Variants in ROBO1 observed in about 807,000 individuals in gnomAD.
ROBO1 encodes roundabout homolog 1.
ROBO1 carries 149 observed loss-of-function variants against 195.9 expected under a neutral mutation model. That is an observed-to-expected ratio of 0.76 (90% CI 0.67 to 0.87). ROBO1 has a LOEUF of 0.87. Ranked by LOEUF, ROBO1 falls within the 40% of genes least tolerant of loss-of-function variation. The probability of loss-of-function intolerance (pLI) is 0.00; values close to 1 mark genes in which losing one functional copy is unlikely to be tolerated. For synonymous variants in ROBO1, 816 were observed against 733.2 expected (o/e 1.11, Z -1.82); for missense variants, 1,933 against 2,068.3 (o/e 0.93, Z 1.27).
chr3:78,784,696 C>T (rs1398235281), intron 4 of ROBO1, among the ~76,000 whole-genome samples: 1 of 151,966 alleles, frequency 6.6e-6, no homozygotes, highest in Non-Finnish European at 1.5e-5. Flanking sequence ...ATAGTAGCAA[C>T]AAAAATCTTA....
rs142662975 is a variant in ROBO1, at chr3:79,517,173, G to A, written c.88+72651C>T. On this transcript the variant is annotated intron_variant, in intron 2 of 30. Transcript: ENST00000464233. Reference sequence around the variant, plus strand: ...TCCTTTCGATTACTGGTTATCACTCGTTCTCATTTTTATTGACTTCCTCAC... The same window carrying A: ...TCCTTTCGATTACTGGTTATCACTCATTCTCATTTTTATTGACTTCCTCAC... Among the ~76,000 whole-genome samples the A allele has an allele frequency of 4.4e-4, 67 of 152,180 alleles. 2 individuals are homozygous for A. The highest frequency in any genetic ancestry group is 2.1e-3 in the Admixed American group (32 of 15,290).
Position 79,641,975 on chromosome 3 carries a change from T to C in ROBO1, c.-50-52014A>G, listed in dbSNP as rs1945676772. 2.6e-5 allele frequency among the ~76,000 whole-genome samples: 4 copies of C among 152,170 alleles called. No individual in the cohort carries two copies. In the South Asian group the frequency reaches 8.3e-4, roughly 31 times the overall value. On this transcript the variant is annotated intron_variant, in intron 1 of 30. Transcript: ENST00000464233. ...TTGAGGCTAAACTGATCTGTGATCA[T>C]GTCACTGTGCTCCATCCTGGGTGAC...
At chr3:79,587,825 A>G (rs1027296403) in intron 2 of ROBO1, among the ~76,000 whole-genome samples, 1 of 151,730 alleles carries the variant, frequency 6.6e-6, no homozygotes, top group Non-Finnish European at 1.5e-5. Context: ...TTCCTTCAGT[A>G]GATTTTCTCC....
At chr3:78,857,616 ACTCTCAGAC>A (rs2034534266) in intron 4 of ROBO1, among the ~76,000 whole-genome samples, 1 of 152,110 alleles carries the variant, frequency 6.6e-6, no homozygotes, top group Non-Finnish European at 1.5e-5. Context: ...CGAAAGGCAA[ACTCTCAGAC>A]CCCACCCCAG....
intron 2 of ROBO1, among the ~76,000 whole-genome samples, chr3:79,318,556 C>T (rs1489716858): frequency 1.3e-5 from 2 of 152,188 alleles, no homozygotes; most frequent in African/African-American, 4.8e-5. Flanking sequence ...GAGACAGATT[C>T]AGCTAATTCT....
intron 2 of ROBO1, among the ~76,000 whole-genome samples, chr3:79,129,397 T>C (rs2080280508): frequency 6.6e-6 from 1 of 152,076 alleles, no homozygotes; most frequent in Non-Finnish European, 1.5e-5. Context: ...TGTGTGTGTA[T>C]ATATGTACAT....
At chr3:79,204,422 C>T (rs1421849545) in intron 2 of ROBO1, among the ~76,000 whole-genome samples, 2 of 151,840 alleles carry the variant, frequency 1.3e-5, no homozygotes, top group Non-Finnish European at 2.9e-5. Flanking sequence ...AGTGTGTAAC[C>T]TCCATTCTTT....
At chr3:79,200,140 A>G (rs551501414) in intron 2 of ROBO1, among the ~76,000 whole-genome samples, 2 of 151,892 alleles carry the variant, frequency 1.3e-5, no homozygotes, top group East Asian at 3.9e-4. Context: ...GCAAGAAGTG[A>G]AAAGTATTGT....
In ROBO1 at chr3:79,362,424, A is replaced by T. The variant is rs184074278; in HGVS notation, c.88+227400T>A. Among the ~76,000 whole-genome samples, 369 of 152,282 alleles carry T rather than the reference A, an allele frequency of 2.4e-3. 2 individuals are homozygous for T. Among genetic ancestry groups the T allele is most frequent in the African/African-American group, 7.6e-3 (314 of 41,582 alleles). On this transcript the variant is annotated intron_variant, in intron 2 of 30. Coordinates refer to ENST00000464233, the MANE Select transcript of ROBO1 (RefSeq NM_002941.4). ...TTTAAGCTACAGAAGAGGAGAGGTT[A>T]CTGAGAAAACTATTCAATAACTATG...
At chr3:78,612,518 G>A (rs1703879349) in intron 28 of ROBO1, among the ~76,000 whole-genome samples, 2 of 152,168 alleles carry the variant, frequency 1.3e-5, no homozygotes, top group South Asian at 4.1e-4. Context: ...CATAACCACT[G>A]CCATCCAGCG....
At chr3:78,785,253 AACAATTAGAAC>A (rs1199518826) in intron 4 of ROBO1, among the ~76,000 whole-genome samples, 13 of 152,270 alleles carry the variant, frequency 8.5e-5, no homozygotes, top group African/African-American at 2.9e-4. Flanking sequence ...TAATCTGTAA[AACAATTAGAAC>A]ACTCTTCTGA....
chr3:79,362,749 G>A (rs2109308667), intron 2 of ROBO1, among the ~76,000 whole-genome samples: 1 of 152,088 alleles, frequency 6.6e-6, no homozygotes, highest in Non-Finnish European at 1.5e-5. Context: ...TCTCTTCAGG[G>A]AAAAAATCTA....
At chr3:79,241,712 T>A (rs1317972260) in intron 2 of ROBO1, among the ~76,000 whole-genome samples, 2 of 149,792 alleles carry the variant, frequency 1.3e-5, no homozygotes, top group African/African-American at 4.9e-5. Context: ...ATAACAATAT[T>A]TATATAAATA....
chr3:78,746,924 T>C (rs1048128340), intron 4 of ROBO1, 24 bp from the exon 5 acceptor site: 12 of 1,491,686 alleles, frequency 8.0e-6, no homozygotes, highest in Non-Finnish European at 9.9e-6. Flanking sequence ...ATTAAATCAT[T>C]ATACCCAAAA....
chr3:78,956,112 T>A (rs1233213684), intron 3 of ROBO1, among the ~76,000 whole-genome samples: 2 of 152,182 alleles, frequency 1.3e-5, no homozygotes, highest in Non-Finnish European at 1.5e-5. Flanking sequence ...ATCTAAATTT[T>A]AAGTAATCAT....
intron 2 of ROBO1, among the ~76,000 whole-genome samples, chr3:79,444,566 A>G (rs1428295348): frequency 1.3e-5 from 2 of 152,162 alleles, no homozygotes; most frequent in Non-Finnish European, 2.9e-5. Context: ...ATGGAATTGA[A>G]CATTCATATG....
chr3:78,945,370 C>T (rs2040373535), intron 3 of ROBO1, among the ~76,000 whole-genome samples: 1 of 152,172 alleles, frequency 6.6e-6, no homozygotes, highest in African/African-American at 2.4e-5. Flanking sequence ...CCAATATATG[C>T]TGTTCTGCAG....
chr3:79,529,092 T>A (rs1396503162), intron 2 of ROBO1, among the ~76,000 whole-genome samples: 1 of 152,242 alleles, frequency 6.6e-6, no homozygotes, highest in Non-Finnish European at 1.5e-5. Flanking sequence ...TACTGCTTAA[T>A]TAACATTCCA....
At chr3:79,509,588 T>G (rs987764288) in intron 2 of ROBO1, among the ~76,000 whole-genome samples, 12 of 152,172 alleles carry the variant, frequency 7.9e-5, no homozygotes, top group African/African-American at 2.9e-4. Flanking sequence ...TATTCATTTG[T>G]GTGTTCATTT....
Sources: allele counts gnomAD v4.1 joint callset (sites outside exome capture counted in the v4.1 genomes callset), GRCh38; gene constraint gnomAD v4.1.1; transcripts MANE v1.5; gene names NCBI Gene and HGNC (gene_info 2026-07-23, HGNC 2026-07-21).